TFEC: variants seen among roughly 807,000 people sequenced by gnomAD.
TFEC encodes the protein class E basic helix-loop-helix protein 34.
TFEC carries 31 observed loss-of-function variants against 41.6 expected under a neutral mutation model. That is an observed-to-expected ratio of 0.74 (90% CI 0.56 to 1.01). The LOEUF is 1.01. Among genes scored for constraint, TFEC ranks in the 50% least tolerant of loss-of-function variants. TFEC has a pLI of 0.00. For synonymous variants in TFEC, 143 were observed against 140.6 expected, an observed-to-expected ratio of 1.02 and a Z score of -0.12; for missense variants, 402 against 404.1, an observed-to-expected ratio of 0.99 and a Z score of 0.04.
chr7:115,975,014 A>G (rs1479678095), intron 2 of TFEC, among the ~76,000 whole-genome samples: 3 of 152,094 alleles, frequency 2.0e-5, no homozygotes. Flanking sequence ...ACTGAGAGAA[A>G]AAAATTCAAT....
chr7:115,953,363 T>C (rs569672443), intron 5 of TFEC, among the ~76,000 whole-genome samples: 46 of 152,248 alleles, frequency 3.0e-4, no homozygotes, highest in African/African-American at 1.1e-3. Flanking sequence ...CACAAGTTTT[T>C]AGGGTTTTTC....
intron 3 of TFEC, among the ~76,000 whole-genome samples, chr7:115,964,344 T>C (rs904855204): frequency 6.6e-6 from 1 of 151,566 alleles, no homozygotes; most frequent in African/African-American, 2.4e-5. Flanking sequence ...TGCCATTTTG[T>C]AAAAATGCTT....
intron 3 of TFEC, among the ~76,000 whole-genome samples, chr7:116,109,290 T>G (rs552331035): frequency 9.9e-5 from 15 of 152,250 alleles, no homozygotes; most frequent in Non-Finnish European, 2.1e-4. Context: ...ACAGGCAACC[T>G]ACAGAATGGG....
At chr7:116,008,372 T>G (rs1284664236) in intron 1 of TFEC, among the ~76,000 whole-genome samples, 1 of 152,134 alleles carries the variant, frequency 6.6e-6, no homozygotes, top group Non-Finnish European at 1.5e-5. Flanking sequence ...CATACACACA[T>G]GCATGCACAT....
intron 3 of TFEC, among the ~76,000 whole-genome samples, chr7:116,071,830 A>G (rs568826810): frequency 2.9e-4 from 44 of 151,614 alleles, no homozygotes; most frequent in Non-Finnish European, 5.3e-4. Context: ...TTTAAATATC[A>G]TATCAAAACT....
intron 1 of TFEC, among the ~76,000 whole-genome samples, chr7:116,010,264 T>G (rs1206387419): frequency 1.3e-5 from 2 of 152,080 alleles, no homozygotes; most frequent in African/African-American, 4.8e-5. Flanking sequence ...TTTATTCAGA[T>G]AAATGCTGAA....
At chr7:116,150,493 G>C (rs1022134253) in intron 1 of TFEC, among the ~76,000 whole-genome samples, 1 of 151,726 alleles carries the variant, frequency 6.6e-6, no homozygotes, top group Non-Finnish European at 1.5e-5. Context: ...GGAGAAACTA[G>C]AACTATAATT....
Position 115,938,178 on chromosome 7 carries a change from T to G in TFEC, c.*2373A>C, listed in dbSNP as rs1793323064. The stretch of plus-strand genomic sequence containing the variant: ...ATTTCAAGGCCCAGTAGTTGTACCT[T>G]AACAGAACAGAAAATAATGACTGAG... On this transcript the variant is annotated 3_prime_UTR_variant, in exon 8 of 8. Coordinates refer to ENST00000265440, the MANE Select transcript of TFEC (RefSeq NM_012252.4). The G allele has an allele frequency of 6.6e-6, 1 of 151,762 alleles. No individual in the cohort carries two copies. The highest frequency in any genetic ancestry group is 1.5e-5 in the Non-Finnish European group (1 of 67,840). The allele number at this position is 151,762 out of a possible 1,614,324, so 9.4% of individuals were successfully genotyped here.
chr7:116,067,326 A>G (rs939850045), intron 3 of TFEC, among the ~76,000 whole-genome samples: 19 of 152,206 alleles, frequency 1.2e-4, no homozygotes, highest in Admixed American at 2.6e-4. Context: ...TTCAAGCACT[A>G]ATTTGAGAAT....
In TFEC at chr7:116,111,946, C is replaced by A. The variant is rs1341126513; in HGVS notation, c.-22+46G>T. On this transcript the variant is annotated intron_variant, in intron 2 of 8. Coordinates refer to the TFEC transcript ENST00000484212. Reference sequence around the variant, plus strand: ...GTACTTGATTGAATAAACTTGTGGTCTTGCTGAGACAAGTCTATGCAACAC... The same window carrying A: ...GTACTTGATTGAATAAACTTGTGGTATTGCTGAGACAAGTCTATGCAACAC... The A allele has an allele frequency of 1.5e-5, 14 of 939,880 alleles. No individual in the cohort carries two copies. In the South Asian group the frequency reaches 6.9e-4, roughly 46 times the overall value. 58.2% of individuals were successfully genotyped at this position (939,880 alleles called of 1,614,324 possible).
intron 1 of TFEC, among the ~76,000 whole-genome samples, chr7:116,116,697 G>A (rs565285079): frequency 2.9e-4 from 44 of 151,996 alleles, no homozygotes; most frequent in African/African-American, 9.6e-4. Flanking sequence ...TTCTATGAAT[G>A]AGCAAATAAG....
At chr7:116,046,784 C>T (rs992292551) in intron 3 of TFEC, among the ~76,000 whole-genome samples, 6 of 152,152 alleles carry the variant, frequency 3.9e-5, no homozygotes, top group African/African-American at 1.2e-4. Context: ...TAATGTCCAC[C>T]CTTTTGTTTC....
intron 1 of TFEC, among the ~76,000 whole-genome samples, chr7:116,153,425 T>G (rs1798803442): frequency 1.3e-5 from 2 of 152,258 alleles, no homozygotes; most frequent in South Asian, 4.1e-4. Flanking sequence ...CGGCTAATTT[T>G]TGTATTTTTA....
intron 3 of TFEC, among the ~76,000 whole-genome samples, chr7:116,045,892 T>G (rs527590675): frequency 1.3e-5 from 2 of 152,226 alleles, no homozygotes; most frequent in Non-Finnish European, 2.9e-5. Flanking sequence ...CAGCATGACC[T>G]GGATGTGAGA....
chr7:116,043,835 AG>A (rs957164798), intron 3 of TFEC, among the ~76,000 whole-genome samples: 1 of 152,134 alleles, frequency 6.6e-6, no homozygotes, highest in Non-Finnish European at 1.5e-5. Flanking sequence ...AATCTACTTC[AG>A]GTCATAAAAT....
At chr7:115,991,288 C>T (rs1006817216) in intron 1 of TFEC, among the ~76,000 whole-genome samples, 6 of 152,130 alleles carry the variant, frequency 3.9e-5, no homozygotes, top group Non-Finnish European at 7.4e-5. Context: ...ATTGTAAAGA[C>T]CATCGATGCT....
At chr7:116,006,599 G>A (rs1002027584) in intron 1 of TFEC, among the ~76,000 whole-genome samples, 16 of 152,156 alleles carry the variant, frequency 1.1e-4, no homozygotes, top group African/African-American at 1.4e-4. Flanking sequence ...GCTCATAGGC[G>A]AAGGGACTTG....
chr7:116,103,087 A>G (rs1389776662), intron 3 of TFEC, among the ~76,000 whole-genome samples: 5 of 152,208 alleles, frequency 3.3e-5, no homozygotes. Flanking sequence ...GGTTGTGTAG[A>G]AAATAAGACA....
intron 1 of TFEC, among the ~76,000 whole-genome samples, chr7:116,113,908 ATAATGT>A (rs1329163755): frequency 1.3e-5 from 2 of 152,056 alleles, no homozygotes; most frequent in Non-Finnish European, 2.9e-5. Flanking sequence ...ACCTGAAGTA[ATAATGT>A]TAATGATGGA....
Sources: allele counts gnomAD v4.1 joint callset (sites outside exome capture counted in the v4.1 genomes callset), GRCh38; gene constraint gnomAD v4.1.1; transcripts MANE v1.5; gene names NCBI Gene and HGNC (gene_info 2026-07-23, HGNC 2026-07-21).